Variants in NALF1 observed in about 807,000 individuals in gnomAD.
The protein encoded by NALF1 is family with sequence similarity 155 member A.
Under a neutral mutation model 48.4 loss-of-function variants are expected in NALF1, and 3 were observed. That is an observed-to-expected ratio of 0.06 (90% CI 0.03 to 0.16). NALF1 has a LOEUF of 0.16. Among genes scored for constraint, NALF1 ranks in the 10% least tolerant of loss-of-function variants. The probability of loss-of-function intolerance (pLI) is 1.00; values close to 1 mark genes in which losing one functional copy is unlikely to be tolerated. For synonymous variants in NALF1, 262 were observed against 245.7 expected (o/e 1.07, Z -0.62); for missense variants, 526 against 571.5 (o/e 0.92, Z 0.81).
chr13:107,678,871 C>G (rs912943690), intron 1 of NALF1, among the ~76,000 whole-genome samples: 1 of 152,132 alleles, frequency 6.6e-6, no homozygotes, highest in African/African-American at 2.4e-5. Flanking sequence ...TCCCGTAACA[C>G]GTGGGGATTA....
intron 1 of NALF1, among the ~76,000 whole-genome samples, chr13:107,454,157 C>A (rs1884787295): frequency 1.3e-5 from 2 of 152,150 alleles, no homozygotes; most frequent in Non-Finnish European, 2.9e-5. Context: ...ACTATTCCAG[C>A]ACCTGCCTGA....
At chr13:107,678,106 T>C (rs1206798893) in intron 1 of NALF1, among the ~76,000 whole-genome samples, 1 of 152,244 alleles carries the variant, frequency 6.6e-6, no homozygotes, top group African/African-American at 2.4e-5. Context: ...ATCCCTTTTG[T>C]GTGTCAAAAG....
At chr13:107,315,399 T>G (rs1425897784) in intron 1 of NALF1, among the ~76,000 whole-genome samples, 2 of 152,070 alleles carry the variant, frequency 1.3e-5, no homozygotes, top group African/African-American at 4.8e-5. Context: ...TTTCAGTGGG[T>G]ATTTAAAAAA....
chr13:107,707,348 G>A (rs893689344), intron 1 of NALF1, among the ~76,000 whole-genome samples: 4 of 152,134 alleles, frequency 2.6e-5, no homozygotes, highest in African/African-American at 9.7e-5. Flanking sequence ...GTGGTAAAGG[G>A]ATTTAAGTAG....
chr13:107,360,029 T>C (rs1302535257), intron 1 of NALF1, among the ~76,000 whole-genome samples: 1 of 152,170 alleles, frequency 6.6e-6, no homozygotes, highest in Non-Finnish European at 1.5e-5. Flanking sequence ...TGCAAAGCCA[T>C]GAGAATTTGC....
intron 1 of NALF1, among the ~76,000 whole-genome samples, chr13:107,291,449 G>A (rs929769926): frequency 3.3e-5 from 5 of 150,416 alleles, no homozygotes; most frequent in Non-Finnish European, 7.4e-5. Flanking sequence ...CATCCCCAAG[G>A]GGAAAGTAAA....
chr13:107,663,213 T>G (rs1880772984), intron 1 of NALF1, among the ~76,000 whole-genome samples: 1 of 152,230 alleles, frequency 6.6e-6, no homozygotes, highest in Non-Finnish European at 1.5e-5. Flanking sequence ...CAACTGTGTT[T>G]GAAGGTGGAG....
intron 1 of NALF1, among the ~76,000 whole-genome samples, chr13:107,649,498 C>T (rs530527797): frequency 6.6e-6 from 1 of 152,134 alleles, no homozygotes; most frequent in Non-Finnish European, 1.5e-5. Flanking sequence ...ATTTTCTTTG[C>T]CACACATGTA....
intron 1 of NALF1, among the ~76,000 whole-genome samples, chr13:107,392,944 A>G (rs775222061): frequency 6.6e-6 from 1 of 152,076 alleles, no homozygotes; most frequent in Non-Finnish European, 1.5e-5. Flanking sequence ...GAAGGATCTA[A>G]CCACAGTGGA....
chr13:107,185,553 T>C (rs1444211758), intron 2 of NALF1, among the ~76,000 whole-genome samples: 2 of 152,060 alleles, frequency 1.3e-5, no homozygotes, highest in African/African-American at 2.4e-5. Context: ...TTAGAGATGA[T>C]GGGGTCTTAT....
At chr13:107,748,695 T>C (rs556323425) in intron 1 of NALF1, among the ~76,000 whole-genome samples, 1 of 152,344 alleles carries the variant, frequency 6.6e-6, no homozygotes. Context: ...GTCTTGAATA[T>C]TTAATTGAAG....
intron 1 of NALF1, among the ~76,000 whole-genome samples, chr13:107,259,547 T>G (rs1464409277): frequency 6.6e-6 from 1 of 152,192 alleles, no homozygotes; most frequent in Non-Finnish European, 1.5e-5. Flanking sequence ...GAGTTTCTTT[T>G]GTCTGACATT....
At chr13:107,426,884 G>A (rs1204350377) in intron 1 of NALF1, among the ~76,000 whole-genome samples, 5 of 151,736 alleles carry the variant, frequency 3.3e-5, no homozygotes, top group Admixed American at 6.6e-5. Flanking sequence ...TAAATTTCAG[G>A]CTCTTGATAT....
chr13:107,695,342 A>G (rs956293520), intron 1 of NALF1, among the ~76,000 whole-genome samples: 2 of 152,238 alleles, frequency 1.3e-5, no homozygotes, highest in African/African-American at 4.8e-5. Flanking sequence ...TATAACATAA[A>G]TTTAGCTTTG....
intron 1 of NALF1, among the ~76,000 whole-genome samples, chr13:107,274,739 T>C (rs1429369780): frequency 1.3e-5 from 2 of 152,080 alleles, no homozygotes; most frequent in Admixed American, 6.5e-5. Context: ...GTATGATAAT[T>C]ATAGTATTTT....
intron 1 of NALF1, among the ~76,000 whole-genome samples, chr13:107,534,701 G>C (rs1219343026): frequency 6.6e-6 from 1 of 152,172 alleles, no homozygotes; most frequent in Non-Finnish European, 1.5e-5. Flanking sequence ...GGTTAAGCAA[G>C]TACAGTGCTG....
chr13:107,439,306 T>A (rs1315314941), intron 1 of NALF1, among the ~76,000 whole-genome samples: 1 of 152,150 alleles, frequency 6.6e-6, no homozygotes, highest in Non-Finnish European at 1.5e-5. Context: ...AAAATACAAA[T>A]CAATTTCCTG....
intron 1 of NALF1, among the ~76,000 whole-genome samples, chr13:107,741,183 C>A (rs934759590): frequency 2.0e-5 from 3 of 152,094 alleles, no homozygotes; most frequent in Non-Finnish European, 4.4e-5. Flanking sequence ...AATTCTGAGA[C>A]CTATTATTTA....
intron 1 of NALF1, among the ~76,000 whole-genome samples, chr13:107,282,805 T>C (rs1427581916): frequency 2.0e-5 from 3 of 152,224 alleles, no homozygotes; most frequent in East Asian, 1.9e-4. Flanking sequence ...TCAGGAGAGA[T>C]GCTGTGCCTG....
Sources: allele counts gnomAD v4.1 joint callset (sites outside exome capture counted in the v4.1 genomes callset), GRCh38; gene constraint gnomAD v4.1.1; transcripts MANE v1.5; gene names NCBI Gene and HGNC (gene_info 2026-07-23, HGNC 2026-07-21).